IGSF11: variants seen among roughly 807,000 people sequenced by gnomAD.
IGSF11 encodes the protein immunoglobulin superfamily member 11, also known as CXADR like 1.
A neutral mutation model predicts 41.0 loss-of-function variants in IGSF11; 22 were observed. The ratio of observed to expected loss-of-function variants is 0.54; its 90% CI spans 0.38 to 0.77. IGSF11 has a LOEUF of 0.77. IGSF11 is among the 30% of genes least tolerant of loss of function. IGSF11 has a pLI of 0.00. For missense variants in IGSF11, 444 were observed against 530.8 expected (o/e 0.84, Z 1.61); for synonymous variants, 219 against 201.3 (o/e 1.09, Z -0.74).
At chr3:118,964,973 G>A (rs967399355) in intron 1 of IGSF11, among the ~76,000 whole-genome samples, 2 of 151,832 alleles carry the variant, frequency 1.3e-5, no homozygotes, top group African/African-American at 2.4e-5. Flanking sequence ...TAACTTCCAC[G>A]TACTTTATGC....
chr3:119,020,989 T>C (rs35867), intron 1 of IGSF11, among the ~76,000 whole-genome samples: 89,278 of 151,962 alleles, frequency 0.59, 26,344 homozygotes, highest in South Asian at 0.66. Context: ...GTATATAGCA[T>C]AGGTTCTCAA....
At position 118,904,622 on chromosome 3, in the gene IGSF11, A is replaced by G. The variant is rs200360909; in HGVS notation, c.854+26T>C. Reference sequence around the variant, plus strand: ...GAAGTACACAATGGCTATGCAGGACAAATTTTAAAAATCTGACATACAAAC... The same window carrying G: ...GAAGTACACAATGGCTATGCAGGACGAATTTTAAAAATCTGACATACAAAC... On this transcript the variant is annotated intron_variant, in intron 6 of 6. Coordinates refer to ENST00000393775, the MANE Select transcript of IGSF11 (RefSeq NM_001015887.3). The G allele has an allele frequency of 1.1e-4, 165 of 1,567,504 alleles. 1 individual carries two copies. In the East Asian group the frequency reaches 3.7e-3, roughly 35 times the overall value.
intron 1 of IGSF11, among the ~76,000 whole-genome samples, chr3:118,946,517 T>G (rs1037138649): frequency 6.6e-6 from 1 of 151,956 alleles, no homozygotes; most frequent in Non-Finnish European, 1.5e-5. Context: ...GATTTCTCAA[T>G]GCTTAGTCCT....
At chr3:118,933,286 A>T (rs1942998141) in intron 1 of IGSF11, among the ~76,000 whole-genome samples, 1 of 152,126 alleles carries the variant, frequency 6.6e-6, no homozygotes, top group Non-Finnish European at 1.5e-5. Flanking sequence ...TTAATCTCTG[A>T]GTCTGTTGCT....
chr3:118,935,418 G>T, intron 1 of IGSF11, among the ~76,000 whole-genome samples: 2 of 132,220 alleles, frequency 1.5e-5, no homozygotes, highest in African/African-American at 2.9e-5. Flanking sequence ...ATATACATAC[G>T]TATATACATA....
At position 119,100,629 on chromosome 3, in the gene IGSF11, T is replaced by C. The variant is rs370089554; in HGVS notation, c.49+4515A>G. Among the ~76,000 whole-genome samples the C allele has an allele frequency of 4.9e-4, 75 of 152,368 alleles. 1 individual carries two copies. Among genetic ancestry groups the C allele is most frequent in the African/African-American group, 1.8e-3 (74 of 41,586 alleles). ...AAAATATGTAACTTCATACTTCAAC[T>C]TATTTAAATTTACAAGAAAAATCCA... On this transcript the variant is annotated intron_variant, in intron 1 of 6. Transcript: ENST00000354673.
chr3:119,120,995 A>G (rs1299588324), intron 1 of IGSF11, among the ~76,000 whole-genome samples: 1 of 152,176 alleles, frequency 6.6e-6, no homozygotes, highest in Non-Finnish European at 1.5e-5. Context: ...ATCATGACCT[A>G]TAGAATTAAT....
intron 1 of IGSF11, among the ~76,000 whole-genome samples, chr3:118,931,340 C>T (rs995710660): frequency 1.3e-5 from 2 of 152,162 alleles, no homozygotes; most frequent in African/African-American, 2.4e-5. Context: ...GTCCACACAA[C>T]GACTTGTCCA....
intron 1 of IGSF11, among the ~76,000 whole-genome samples, chr3:119,052,209 G>C (rs904194202): frequency 2.0e-5 from 3 of 152,072 alleles, no homozygotes; most frequent in Non-Finnish European, 2.9e-5. Flanking sequence ...GCTGGGTGCG[G>C]TGGCTCATGC....
intron 1 of IGSF11, among the ~76,000 whole-genome samples, chr3:119,020,794 T>C (rs575628315): frequency 1.3e-5 from 2 of 152,336 alleles, no homozygotes; most frequent in South Asian, 4.1e-4. Context: ...ATTTTAACTA[T>C]GATATATCTA....
chr3:118,971,274 A>G (rs1187349780), intron 1 of IGSF11, among the ~76,000 whole-genome samples: 1 of 152,230 alleles, frequency 6.6e-6, no homozygotes, highest in African/African-American at 2.4e-5. Context: ...AGCAAACTTC[A>G]GAGAGTGACA....
intron 1 of IGSF11, among the ~76,000 whole-genome samples, chr3:119,122,115 C>T (rs140787822): frequency 1.2e-4 from 19 of 152,268 alleles, no homozygotes; most frequent in African/African-American, 4.6e-4. Flanking sequence ...CCACATAGTA[C>T]CTGATTTTAA....
chr3:119,144,272 A>C (rs1389380283), intron 1 of IGSF11, among the ~76,000 whole-genome samples: 1 of 152,196 alleles, frequency 6.6e-6, no homozygotes, highest in Non-Finnish European at 1.5e-5. Context: ...AAGGCCAGTA[A>C]GAAAATATAG....
chr3:118,952,065 A>G (rs1944612067), intron 1 of IGSF11, among the ~76,000 whole-genome samples: 1 of 152,184 alleles, frequency 6.6e-6, no homozygotes, highest in African/African-American at 2.4e-5. Context: ...CCCAGTGCAT[A>G]TAAGTTGTAT....
At chr3:119,014,694 TC>T (rs1304709710) in intron 1 of IGSF11, among the ~76,000 whole-genome samples, 1 of 152,200 alleles carries the variant, frequency 6.6e-6, no homozygotes, top group Non-Finnish European at 1.5e-5. Flanking sequence ...TCACTTTACC[TC>T]TCTAGATTTT....
intron 4 of IGSF11, among the ~76,000 whole-genome samples, chr3:118,914,065 T>A (rs1049031120): frequency 6.6e-6 from 1 of 152,196 alleles, no homozygotes; most frequent in Non-Finnish European, 1.5e-5. Flanking sequence ...AGTTTTTTTT[T>A]ACTTCTAGAC....
chr3:119,123,658 C>G lies in IGSF11; in HGVS notation c.-13-18453G>C, dbSNP rs537143462. ...ACTCCCAGCTCCAGGAAGCTCAGCA[C>G]AGAGAGAGAGAGAGAGACTGTTTAT... On this transcript the variant is annotated intron_variant, in intron 1 of 7. Transcript: ENST00000425327. Among the ~76,000 whole-genome samples, 51 of 150,612 alleles carry G rather than the reference C, an allele frequency of 3.4e-4. 1 individual carries two copies. The South Asian group carries it at 9.8e-3, about 29-fold the overall frequency.
At chr3:119,074,349 T>C (rs2076455734) in intron 1 of IGSF11, among the ~76,000 whole-genome samples, 1 of 151,998 alleles carries the variant, frequency 6.6e-6, no homozygotes, top group African/African-American at 2.4e-5. Flanking sequence ...AAGAAATTAA[T>C]ACCAAAAGGT....
At chr3:118,922,181 G>A (rs148406581) in intron 4 of IGSF11, among the ~76,000 whole-genome samples, 21 of 152,156 alleles carry the variant, frequency 1.4e-4, no homozygotes, top group Middle Eastern at 3.4e-3. Flanking sequence ...AATAGAAAAC[G>A]TTAAGTGTAA....
Sources: gnomAD v4.1 joint callset for allele counts (sites outside exome capture counted in the v4.1 genomes callset) on GRCh38, gnomAD v4.1.1 for gene constraint, MANE v1.5 for transcripts, NCBI Gene and HGNC (gene_info 2026-07-23, HGNC 2026-07-21) for gene names.